The following BCL2L2 variants were observed in gnomAD, a reference collection of about 807,000 sequenced individuals.
BCL2L2 encodes the protein bcl-2-like protein 2.
A neutral mutation model predicts 14.6 loss-of-function variants in BCL2L2; 6 were observed. The ratio of observed to expected loss-of-function variants is 0.41; its 90% CI spans 0.22 to 0.81. The LOEUF (loss-of-function observed/expected upper bound fraction) is 0.81. BCL2L2 is among the 30% of genes least tolerant of loss of function. BCL2L2 has a pLI of 0.32. For missense variants in BCL2L2, 191 were observed against 260.5 expected, an observed-to-expected ratio of 0.73 and a Z score of 1.84; for synonymous variants, 90 against 108.5, an observed-to-expected ratio of 0.83 and a Z score of 1.06.
Position 23,310,307 on chromosome 14 carries a change from C to G in BCL2L2, c.*1342C>G, listed in dbSNP as rs1887527662. ...AGGAAGAAATTATTCACTCCAGATG[C>G]ATGCCCTGAGCCAGACCTCACTGCT... On this transcript the variant is annotated 3_prime_UTR_variant, in exon 4 of 4. Coordinates refer to ENST00000250405, the MANE Select transcript of BCL2L2 (RefSeq NM_004050.5). 1 of 986,354 alleles carries G rather than the reference C, an allele frequency of 1.0e-6. No homozygotes were observed. Among genetic ancestry groups the G allele is most frequent in the Non-Finnish European group, 1.2e-6 (1 of 830,412 alleles). The allele number at this position is 986,354 out of a possible 1,614,324, so 61.1% of individuals were successfully genotyped here.
intron 2 of BCL2L2, 143 bp from the exon 3 acceptor site, chr14:23,307,617 C>T: frequency 1.8e-6 from 2 of 1,100,412 alleles, no homozygotes; most frequent in South Asian, 2.0e-5. Context: ...GACTTAATTC[C>T]CTTGTTCTTG....
chr14:23,311,153 G>T lies in BCL2L2; in HGVS notation c.*2188G>T, dbSNP rs897849456. 1.4e-5 allele frequency: 18 copies of T among 1,284,848 alleles called. No homozygotes were observed. Among genetic ancestry groups the T allele is most frequent in the Non-Finnish European group, 1.8e-5 (18 of 987,922 alleles). The allele number at this position is 1,284,848 out of a possible 1,614,324, so 79.6% of individuals were successfully genotyped here. A position where few individuals can be genotyped will look rare whatever the true frequency, so the allele number is the denominator to read the frequency against. On this transcript the variant is annotated 3_prime_UTR_variant, in exon 4 of 4. Coordinates refer to ENST00000250405, the MANE Select transcript of BCL2L2 (RefSeq NM_004050.5). Reference sequence around the variant, plus strand: ...TGTTTTCTGAAAGGGTAAAGGGCTTGGTCTGGATTCCCAGAAGCATAGCTT... The same window carrying T: ...TGTTTTCTGAAAGGGTAAAGGGCTTTGTCTGGATTCCCAGAAGCATAGCTT...
At position 23,307,840 on chromosome 14, in the gene BCL2L2, A is replaced by C; in HGVS notation, c.73A>C (p.Lys25Gln). Residue 25 changes from lysine to glutamine, a missense_variant, in exon 3 of 4, where the codon AAG becomes CAG. Physicochemically the swap from Lys to Gln is moderately conservative, Grantham distance 53 (BLOSUM62 1). Transcript: ENST00000250405. ...ADFVGYKLRQKGYVCGAGPGE... is the reference protein window; with the variant it reads ...ADFVGYKLRQQGYVCGAGPGE... ...CTTTGTAGGTTATAAGCTGAGGCAGAAGGGTTATGTCTGTGGAGCTGGCCC... is the reference window on the plus strand; with the variant it reads ...CTTTGTAGGTTATAAGCTGAGGCAGCAGGGTTATGTCTGTGGAGCTGGCCC... 6.3e-7 allele frequency: 1 copy of C among 1,596,416 alleles called. No homozygotes were observed. Among genetic ancestry groups the C allele is most frequent in the South Asian group, 1.1e-5 (1 of 88,892 alleles).
chr14:23,310,772 C>T lies in BCL2L2; in HGVS notation c.*1807C>T, dbSNP rs959224263. 3 of 1,198,470 alleles carry T rather than the reference C, an allele frequency of 2.5e-6. No homozygotes were observed. In the African/African-American group the frequency reaches 4.8e-5, roughly 19 times the overall value. 74.2% of individuals were successfully genotyped at this position (1,198,470 alleles called of 1,614,324 possible). A position where few individuals can be genotyped will look rare whatever the true frequency, so the allele number is the denominator to read the frequency against. ...TTTCCTAGGGGTTGCCTCAGGAGTCCTTGGGGAGATGAAGGGGGTGGGGAG... is the reference window on the plus strand; with the variant it reads ...TTTCCTAGGGGTTGCCTCAGGAGTCTTTGGGGAGATGAAGGGGGTGGGGAG... On this transcript the variant is annotated 3_prime_UTR_variant, in exon 4 of 4. Coordinates refer to ENST00000250405, the MANE Select transcript of BCL2L2 (RefSeq NM_004050.5).
Position 23,310,982 on chromosome 14 carries a change from A to G in BCL2L2, c.*2017A>G, listed in dbSNP as rs1594980629. The G allele has an allele frequency of 1.6e-6, 2 of 1,289,616 alleles. No individual in the cohort carries two copies. The highest frequency in any genetic ancestry group is 2.0e-6 in the Non-Finnish European group (2 of 988,710). The allele number at this position is 1,289,616 out of a possible 1,614,324, so 79.9% of individuals were successfully genotyped here. On this transcript the variant is annotated 3_prime_UTR_variant, in exon 4 of 4. Transcript: ENST00000250405. ...GTGCTTCCTTCCCCAGGTATGGAGC[A>G]CACTCTTCACCCTACCCTCTACCAC...
Position 23,308,230 on chromosome 14 carries a change from A to T in BCL2L2, c.432+31A>T, listed in dbSNP as rs369726278. ...AAGCTTCTCAATTGCCGCTCTGCAC[A>T]TCCTTCTGCAAAGCTGGTCTCCAGG... On this transcript the variant is annotated intron_variant, in intron 3 of 3. Transcript: ENST00000250405. This position sits in a 1 kb window ranked among gnomAD's most constrained non-coding sequence, Gnocchi z 5.4. 11 of 1,567,686 alleles carry T rather than the reference A, an allele frequency of 7.0e-6. No homozygotes were observed. Among genetic ancestry groups the T allele is most frequent in the Non-Finnish European group, 9.5e-6 (11 of 1,158,924 alleles).
Position 23,307,804 on chromosome 14 carries a change from C to T in BCL2L2, c.37C>T (p.Leu13=), listed in dbSNP as rs528008535. The stretch of plus-strand genomic sequence containing the variant: ...AGCCTCGGCCCCAGACACACGGGCT[C>T]TGGTGGCAGACTTTGTAGGTTATAA... ...TPASAPDTRA[L]VADFVGYKLR... is the part of the protein sequence containing the mutation. The change falls in exon 3 of 4, where the codon CTG becomes TTG. Residue 13 remains leucine, a synonymous_variant. Coordinates refer to ENST00000250405, the MANE Select transcript of BCL2L2 (RefSeq NM_004050.5). The T allele has an allele frequency of 3.2e-6, 5 of 1,546,070 alleles. No homozygotes were observed. In the South Asian group the frequency reaches 6.2e-5, roughly 19 times the overall value.
Position 23,311,744 on chromosome 14 carries a change from A to G in BCL2L2, c.*2779A>G. 1.0e-6 allele frequency: 1 copy of G among 978,144 alleles called. No homozygotes were observed. The highest frequency in any genetic ancestry group is 1.2e-6 in the Non-Finnish European group (1 of 823,330). 60.6% of individuals were successfully genotyped at this position (978,144 alleles called of 1,614,324 possible). ...AACAATAAATAAAGCCCAGAAGTTTAATGAGAAGGACTGAACAGGGTTTGT... is the reference window on the plus strand; with the variant it reads ...AACAATAAATAAAGCCCAGAAGTTTGATGAGAAGGACTGAACAGGGTTTGT... On this transcript the variant is annotated 3_prime_UTR_variant, in exon 4 of 4. Transcript: ENST00000250405.
At position 23,311,536 on chromosome 14, in the gene BCL2L2, A is replaced by G. The variant is rs1887615481; in HGVS notation, c.*2571A>G. 2.0e-6 allele frequency: 2 copies of G among 990,292 alleles called. No individual in the cohort carries two copies. Among genetic ancestry groups the G allele is most frequent in the Middle Eastern group, 5.1e-4 (1 of 1,952 alleles). 61.3% of individuals were successfully genotyped at this position (990,292 alleles called of 1,614,324 possible). ...ATTAATCCCACTCCCCACTTATTCT[A>G]GGGCACACAAACACTATTTTACTTT... is the stretch of plus-strand genomic sequence containing the variant. On this transcript the variant is annotated 3_prime_UTR_variant, in exon 4 of 4. Coordinates refer to ENST00000250405, the MANE Select transcript of BCL2L2 (RefSeq NM_004050.5).
chr14:23,311,381 T>C lies in BCL2L2; in HGVS notation c.*2416T>C. 1 of 1,090,872 alleles carries C rather than the reference T, an allele frequency of 9.2e-7. No individual in the cohort carries two copies. The highest frequency in any genetic ancestry group is 2.3e-5 in the South Asian group (1 of 42,796). The allele number at this position is 1,090,872 out of a possible 1,614,324, so 67.6% of individuals were successfully genotyped here. ...TTTTTTAAAAAATAAGGGAAATAAA[T>C]GTAATTGCCATTTTTCAAAGATTAA... On this transcript the variant is annotated 3_prime_UTR_variant, in exon 4 of 4. Transcript: ENST00000250405.
chr14:23,310,020 A>G lies in BCL2L2; in HGVS notation c.*1055A>G. 1.0e-6 allele frequency: 1 copy of G among 985,366 alleles called. No homozygotes were observed. The highest frequency in any genetic ancestry group is 1.2e-6 in the Non-Finnish European group (1 of 829,988). 61.0% of individuals were successfully genotyped at this position (985,366 alleles called of 1,614,324 possible). A position where few individuals can be genotyped will look rare whatever the true frequency, so the allele number is the denominator to read the frequency against. On this transcript the variant is annotated 3_prime_UTR_variant, in exon 4 of 4. Transcript: ENST00000250405. Reference sequence around the variant, plus strand: ...AGACTGTTGATGCCTTGAGATGACCATTTCAGATCTGAATCCCATGGGTGT... The same window carrying G: ...AGACTGTTGATGCCTTGAGATGACCGTTTCAGATCTGAATCCCATGGGTGT...
At chr14:23,307,597 C>T (rs1204134555) in intron 2 of BCL2L2, among the ~76,000 whole-genome samples, 163 bp from the exon 3 acceptor site, 2 of 152,230 alleles carry the variant, frequency 1.3e-5, no homozygotes, top group Non-Finnish European at 2.9e-5. Context: ...ACAGCCTAGT[C>T]TCATATCATG....
chr14:23,309,853 G>T lies in BCL2L2; in HGVS notation c.*888G>T. On this transcript the variant is annotated 3_prime_UTR_variant, in exon 4 of 4. Coordinates refer to ENST00000250405, the MANE Select transcript of BCL2L2 (RefSeq NM_004050.5). ...CCTCCTCTCCCACTCAGGCACAATG[G>T]TGCCTAAAGTGTTTCCAATCTCTGG... is the stretch of plus-strand genomic sequence containing the variant. 3 of 985,456 alleles carry T rather than the reference G, an allele frequency of 3.0e-6. No homozygotes were observed. Among genetic ancestry groups the T allele is most frequent in the Non-Finnish European group, 3.6e-6 (3 of 829,950 alleles). 61.0% of individuals were successfully genotyped at this position (985,456 alleles called of 1,614,324 possible).
Position 23,310,006 on chromosome 14 carries a change from G to T in BCL2L2, c.*1041G>T. 1.0e-6 allele frequency: 1 copy of T among 985,540 alleles called. No individual in the cohort carries two copies. Among genetic ancestry groups the T allele is most frequent in the South Asian group, 4.7e-5 (1 of 21,286 alleles). The allele number at this position is 985,540 out of a possible 1,614,324, so 61.0% of individuals were successfully genotyped here. A position where few individuals can be genotyped will look rare whatever the true frequency, so the allele number is the denominator to read the frequency against. On this transcript the variant is annotated 3_prime_UTR_variant, in exon 4 of 4. Transcript: ENST00000250405. ...ACTGTGTCTCAGTGAGACTGTTGAT[G>T]CCTTGAGATGACCATTTCAGATCTG... is the stretch of plus-strand genomic sequence containing the variant.
At position 23,308,921 on chromosome 14, in the gene BCL2L2, C is replaced by T; in HGVS notation, c.538C>T (p.Leu180=). 7.6e-7 allele frequency: 1 copy of T among 1,321,142 alleles called. No individual in the cohort carries two copies. Among genetic ancestry groups the T allele is most frequent in the Non-Finnish European group, 9.7e-7 (1 of 1,026,622 alleles). 81.8% of individuals were successfully genotyped at this position (1,321,142 alleles called of 1,614,324 possible). The change falls in exon 4 of 4, where the codon CTG becomes TTG. Residue 180 remains leucine, a synonymous_variant. Transcript: ENST00000250405. This position sits in a 1 kb window ranked among gnomAD's most constrained non-coding sequence, Gnocchi z 5.4. The part of the protein sequence containing the change: ...VRTVLTGAVA[L]GALVTVGAFF... Reference sequence around the variant, plus strand: ...GACAGTGCTGACGGGGGCCGTGGCACTGGGGGCCCTGGTAACTGTAGGGGC... The same window carrying T: ...GACAGTGCTGACGGGGGCCGTGGCATTGGGGGCCCTGGTAACTGTAGGGGC...
rs1887500469 is a variant in BCL2L2 at position 23,309,836 on chromosome 14, C to G, written c.*871C>G. The G allele has an allele frequency of 1.0e-6, 1 of 985,384 alleles. No individual in the cohort carries two copies. The highest frequency in any genetic ancestry group is 6.1e-5 in the Admixed American group (1 of 16,272). The allele number at this position is 985,384 out of a possible 1,614,324, so 61.0% of individuals were successfully genotyped here. ...CCGGACCTGCCTGCCACCCTCCTCT[C>G]CCACTCAGGCACAATGGTGCCTAAA... is the stretch of plus-strand genomic sequence containing the variant. On this transcript the variant is annotated 3_prime_UTR_variant, in exon 4 of 4. Coordinates refer to ENST00000250405, the MANE Select transcript of BCL2L2 (RefSeq NM_004050.5).
Position 23,310,414 on chromosome 14 carries a change from A to T in BCL2L2, c.*1449A>T. ...CTCTAGAACCCTGCCTGTGGTCCTG[A>T]GCACTGATCACCTTAGCTAGACCAT... On this transcript the variant is annotated 3_prime_UTR_variant, in exon 4 of 4. Coordinates refer to ENST00000250405, the MANE Select transcript of BCL2L2 (RefSeq NM_004050.5). The T allele has an allele frequency of 1.0e-6, 1 of 999,414 alleles. No individual in the cohort carries two copies. Among genetic ancestry groups the T allele is most frequent in the Non-Finnish European group, 1.2e-6 (1 of 838,552 alleles). 61.9% of individuals were successfully genotyped at this position (999,414 alleles called of 1,614,324 possible). A position where few individuals can be genotyped will look rare whatever the true frequency, so the allele number is the denominator to read the frequency against.
chr14:23,309,629 C>G lies in BCL2L2; in HGVS notation c.*664C>G. The G allele has an allele frequency of 1.0e-6, 1 of 985,574 alleles. No homozygotes were observed. Among genetic ancestry groups the G allele is most frequent in the African/African-American group, 1.7e-5 (1 of 57,356 alleles). 61.1% of individuals were successfully genotyped at this position (985,574 alleles called of 1,614,324 possible). A position where few individuals can be genotyped will look rare whatever the true frequency, so the allele number is the denominator to read the frequency against. ...TTAGAGAGAAACATTGTATCCAGAC[C>G]GAGGGCTCTGCTGCTTCTTTCCAGA... On this transcript the variant is annotated 3_prime_UTR_variant, in exon 4 of 4. Transcript: ENST00000250405.
Position 23,309,892 on chromosome 14 carries a change from A to T in BCL2L2, c.*927A>T. ...TCCAATCTCTGGGACCTCTGTACCCAAACTGAAACTCTAAATTGGGGCCCT... is the reference window on the plus strand; with the variant it reads ...TCCAATCTCTGGGACCTCTGTACCCTAACTGAAACTCTAAATTGGGGCCCT... On this transcript the variant is annotated 3_prime_UTR_variant, in exon 4 of 4. Coordinates refer to ENST00000250405, the MANE Select transcript of BCL2L2 (RefSeq NM_004050.5). 5.1e-6 allele frequency: 5 copies of T among 985,472 alleles called. No individual in the cohort carries two copies. The highest frequency in any genetic ancestry group is 6.0e-6 in the Non-Finnish European group (5 of 829,952). 61.0% of individuals were successfully genotyped at this position (985,472 alleles called of 1,614,324 possible).
Sources: allele counts gnomAD v4.1 joint callset (sites outside exome capture counted in the v4.1 genomes callset), GRCh38; gene constraint gnomAD v4.1.1; non-coding constraint Gnocchi (gnomAD v3.1); transcripts MANE v1.5; gene names NCBI Gene and HGNC (gene_info 2026-07-23, HGNC 2026-07-21).